ACOT13: variants seen among roughly 807,000 people sequenced by gnomAD.
ACOT13 encodes acyl-coenzyme A thioesterase 13.
Under a neutral mutation model 11.8 loss-of-function variants are expected in ACOT13, and 10 were observed. The ratio of observed to expected loss-of-function variants is 0.85; its 90% CI spans 0.53 to 1.44. The LOEUF is 1.44. Among genes scored for constraint, ACOT13 ranks in the 40% most tolerant of loss-of-function variants. The probability of loss-of-function intolerance (pLI) is 0.00; values close to 1 mark genes in which losing one functional copy is unlikely to be tolerated. For synonymous variants in ACOT13, 53 were observed against 61.0 expected (o/e 0.87, Z 0.61); for missense variants, 172 against 174.1 (o/e 0.99, Z 0.07).
In ACOT13 at chr6:24,697,865, T is replaced by TC. The variant is rs760130636; in HGVS notation, c.82-17dup. The TC allele has an allele frequency of 3.5e-5, 55 of 1,575,142 alleles. No homozygotes were observed. The African/African-American group carries it at 4.6e-4, about 13-fold the overall frequency. On this transcript the variant is annotated splice_polypyrimidine_tract_variant and intron_variant, in intron 1 of 2. Transcript: ENST00000230048. ...ATTCTACAGAATTAATGTTCAGGAT[T>TC]CTTTTTTTTACACTTAGATTACTCT...
chr6:24,668,011 TCTC>T (rs1241770917), intron 1 of ACOT13, among the ~76,000 whole-genome samples: 1 of 152,032 alleles, frequency 6.6e-6, no homozygotes, highest in Non-Finnish European at 1.5e-5. Flanking sequence ...TTCAAACAAT[TCTC>T]CTGCCTCACT....
rs753401228 is a variant in ACOT13 at position 24,697,866 on chromosome 6, CTTTT to C, written c.82-12_82-9del. ...TTCTACAGAATTAATGTTCAGGATTCTTTTTTTTACACTTAGATTACTCTTGTCT... is the reference window on the plus strand; with the variant it reads ...TTCTACAGAATTAATGTTCAGGATTCTTTTACACTTAGATTACTCTTGTCT... On this transcript the variant is annotated splice_polypyrimidine_tract_variant and intron_variant, in intron 1 of 2. Coordinates refer to ENST00000230048, the MANE Select transcript of ACOT13 (RefSeq NM_018473.4). The C allele has an allele frequency of 6.4e-7, 1 of 1,567,662 alleles. No homozygotes were observed. The highest frequency in any genetic ancestry group is 8.6e-7 in the Non-Finnish European group (1 of 1,157,548).
chr6:24,702,282 T>G lies in ACOT13; in HGVS notation c.*667T>G, dbSNP rs1006494750. ...TGTGCCATCACACCTAGCTAATTTT[T>G]GTAGTTTTTTGTAGAAACAGGGTTC... On this transcript the variant is annotated 3_prime_UTR_variant, in exon 3 of 3. Transcript: ENST00000230048. The G allele has an allele frequency of 6.6e-6, 1 of 152,268 alleles. No homozygotes were observed. The highest frequency in any genetic ancestry group is 1.5e-5 in the Non-Finnish European group (1 of 68,090). The allele number at this position is 152,268 out of a possible 1,614,324, so 9.4% of individuals were successfully genotyped here.
Position 24,698,043 on chromosome 6 carries a change from G to C in ACOT13, c.242G>C (p.Gly81Ala). The C allele has an allele frequency of 6.2e-7, 1 of 1,609,630 alleles. No individual in the cohort carries two copies. The highest frequency in any genetic ancestry group is 8.5e-7 in the Non-Finnish European group (1 of 1,178,370). Residue 81 changes from glycine (G) to alanine (A), a missense_variant, in exon 2 of 3, where the codon GGA (glycine) becomes GCA (alanine). Gly to Ala is a moderately conservative substitution (Grantham distance 60). Transcript: ENST00000230048. ...ALLCTERGAP[G>A]VSVDMNITYM... ...CTATGCACGGAAAGGGGAGCACCCG[G>C]AGTCAGTGTCGATATGAACATAACG...
rs746562084 is a variant in ACOT13, at chr6:24,701,571, AAATT to A, written c.383_386del (p.Leu128Ter). ...GGATCTGACCAACAAGGCCACAGGA[AAATT>A]AATAGCACAAGGAAGACACACAAAA... On this transcript the variant is annotated frameshift_variant, in exon 3 of 3. Transcript: ENST00000230048. LOFTEE classifies it high-confidence loss of function. 6.8e-6 allele frequency: 11 copies of A among 1,613,770 alleles called. No individual in the cohort carries two copies. The highest frequency in any genetic ancestry group is 2.2e-5 in the East Asian group (1 of 44,878).
chr6:24,699,032 A>G (rs74563609), intron 2 of ACOT13, among the ~76,000 whole-genome samples: 5,980 of 152,298 alleles, frequency 0.039, 151 homozygotes, highest in East Asian at 0.088. Flanking sequence ...AAGAAACTCA[A>G]TTCCAACATA....
intron 1 of ACOT13, among the ~76,000 whole-genome samples, chr6:24,681,502 T>TA (rs1340002512): frequency 1.7e-5 from 1 of 60,382 alleles, no homozygotes; most frequent in Non-Finnish European, 2.9e-5. Flanking sequence ...ACACTTTTTT[T>TA]TTTTATTCTA....
At chr6:24,701,341 C>A in intron 2 of ACOT13, 118 bp from the exon 3 acceptor site, 1 of 866,214 alleles carries the variant, frequency 1.2e-6, no homozygotes, top group Non-Finnish European at 1.7e-6. Flanking sequence ...CTTACCAATA[C>A]TACCGTTAAA....
rs147402494 is a variant in ACOT13, at chr6:24,673,830, C to A, written c.81+6486C>A. Among the ~76,000 whole-genome samples the A allele has an allele frequency of 7.2e-5, 11 of 152,176 alleles. No homozygotes were observed. In the East Asian group the frequency reaches 2.1e-3, roughly 29 times the overall value. On this transcript the variant is annotated intron_variant, in intron 1 of 2. Coordinates refer to ENST00000230048, the MANE Select transcript of ACOT13 (RefSeq NM_018473.4). Reference sequence around the variant, plus strand: ...ATGATCATATACAATTTTTTTAAAACAAATCCTCTTATTGTGACATACACA... The same window carrying A: ...ATGATCATATACAATTTTTTTAAAAAAAATCCTCTTATTGTGACATACACA...
At chr6:24,668,371 G>T (rs1485521120) in intron 1 of ACOT13, among the ~76,000 whole-genome samples, 4 of 152,108 alleles carry the variant, frequency 2.6e-5, no homozygotes, top group Admixed American at 2.6e-4. Context: ...ACAGGCATGC[G>T]CCACCAAGCC....
rs1403951391 is a variant in ACOT13, at chr6:24,701,795, A to G, written c.*180A>G. The G allele has an allele frequency of 1.5e-5, 8 of 540,558 alleles. No individual in the cohort carries two copies. Among genetic ancestry groups the G allele is most frequent in the Admixed American group, 3.8e-5 (1 of 26,324 alleles). 33.5% of individuals were successfully genotyped at this position (540,558 alleles called of 1,614,324 possible). ...GGGGGTGTCTTTTTTCACTTTAAGCATCTTGTTTTCTAATCATGTGTGATA... is the reference window on the plus strand; with the variant it reads ...GGGGGTGTCTTTTTTCACTTTAAGCGTCTTGTTTTCTAATCATGTGTGATA... On this transcript the variant is annotated 3_prime_UTR_variant, in exon 3 of 3. Transcript: ENST00000230048.
intron 1 of ACOT13, among the ~76,000 whole-genome samples, chr6:24,694,560 C>T (rs556271297): frequency 1.3e-5 from 2 of 152,210 alleles, no homozygotes; most frequent in African/African-American, 4.8e-5. Flanking sequence ...AAGTGTGTGC[C>T]CTACAGCCCA....
intron 2 of ACOT13, chr6:24,700,971 T>G (rs1168033115): frequency 6.6e-6 from 1 of 152,162 alleles, no homozygotes; most frequent in Non-Finnish European, 1.5e-5. Flanking sequence ...TGATTACAAG[T>G]GACTAGGATG....
In ACOT13 at chr6:24,705,039, A is replaced by G. The variant is rs1013747793; in HGVS notation, c.*3424A>G. ...AGATTTACTCCAATAAAAGTATGCA[A>G]CCCTTAAGCAAAGCTTTTCTTCATT... On this transcript the variant is annotated 3_prime_UTR_variant, in exon 3 of 3. Coordinates refer to ENST00000230048, the MANE Select transcript of ACOT13 (RefSeq NM_018473.4). The G allele has an allele frequency of 6.6e-6, 1 of 151,476 alleles. No individual in the cohort carries two copies. Among genetic ancestry groups the G allele is most frequent in the African/African-American group, 2.4e-5 (1 of 41,138 alleles). 9.4% of individuals were successfully genotyped at this position (151,476 alleles called of 1,614,324 possible).
chr6:24,695,010 C>T (rs777125209), intron 1 of ACOT13, among the ~76,000 whole-genome samples: 11 of 152,056 alleles, frequency 7.2e-5, no homozygotes, highest in Non-Finnish European at 1.6e-4. Flanking sequence ...ACAAACTGTG[C>T]CTTAAAATAC....
At chr6:24,673,499 T>G (rs1441964756) in intron 1 of ACOT13, among the ~76,000 whole-genome samples, 2 of 152,162 alleles carry the variant, frequency 1.3e-5, no homozygotes, top group African/African-American at 4.8e-5. Context: ...TAGCTGGGAC[T>G]ACAGGCACAT....
Position 24,703,864 on chromosome 6 carries a change from A to C in ACOT13, c.*2249A>C, listed in dbSNP as rs1778939930. On this transcript the variant is annotated 3_prime_UTR_variant, in exon 3 of 3. Transcript: ENST00000230048. ...GAGAGTATACTTGAGAAGGGCGTTA[A>C]GCATGAATAAACAATTCAAATGCAA... The C allele has an allele frequency of 2.0e-5, 3 of 152,230 alleles. No homozygotes were observed. 9.4% of individuals were successfully genotyped at this position (152,230 alleles called of 1,614,324 possible). A position where few individuals can be genotyped will look rare whatever the true frequency, so the allele number is the denominator to read the frequency against.
intron 1 of ACOT13, among the ~76,000 whole-genome samples, chr6:24,667,700 C>T (rs1778283657): frequency 6.6e-6 from 1 of 152,116 alleles, no homozygotes; most frequent in African/African-American, 2.4e-5. Flanking sequence ...ATTCTCTAGG[C>T]TCTAGAAGAT....
At position 24,667,147 on chromosome 6, in the gene ACOT13, G is replaced by A. The variant is rs190857586; in HGVS notation, c.-117G>A. ...CCGGCCTCTTGCGCTCCTAGGGGCG[G>A]AGAAGGGTGCGGGCTCTTCGCCCTT... On this transcript the variant is annotated 5_prime_UTR_variant, in exon 1 of 3. Coordinates refer to ENST00000230048, the MANE Select transcript of ACOT13 (RefSeq NM_018473.4). 418 of 1,112,558 alleles carry A rather than the reference G, an allele frequency of 3.8e-4. 2 individuals are homozygous for A. The African/African-American group carries it at 5.9e-3, about 16-fold the overall frequency. 68.9% of individuals were successfully genotyped at this position (1,112,558 alleles called of 1,614,324 possible). A position where few individuals can be genotyped will look rare whatever the true frequency, so the allele number is the denominator to read the frequency against.
Sources: gnomAD v4.1 joint callset for allele counts (sites outside exome capture counted in the v4.1 genomes callset) on GRCh38, gnomAD v4.1.1 for gene constraint, MANE v1.5 for transcripts, NCBI Gene and HGNC (gene_info 2026-07-23, HGNC 2026-07-21) for gene names.